Variants in CDK14 observed in about 807,000 individuals in gnomAD.
The protein encoded by CDK14 is cyclin dependent kinase 14.
Under a neutral mutation model 60.7 loss-of-function variants are expected in CDK14, and 34 were observed. The ratio of observed to expected loss-of-function variants is 0.56; its 90% CI spans 0.43 to 0.75. The LOEUF (loss-of-function observed/expected upper bound fraction) is 0.75, where lower values mean the gene tolerates loss of function less well. Among genes scored for constraint, CDK14 ranks in the 30% least tolerant of loss-of-function variants. The pLI, the probability that CDK14 is intolerant of heterozygous loss-of-function variation, is 0.00. For missense variants in CDK14, 482 were observed against 564.1 expected (o/e 0.85, Z 1.47); for synonymous variants, 197 against 203.7 (o/e 0.97, Z 0.28).
At chr7:90,880,116 C>A (rs1584080172) in intron 6 of CDK14, among the ~76,000 whole-genome samples, 1 of 152,250 alleles carries the variant, frequency 6.6e-6, no homozygotes, top group Non-Finnish European at 1.5e-5. Context: ...CAGCTGCCTG[C>A]TGTCTAAGCC....
At chr7:91,112,763 GATTCAC>G in intron 13 of CDK14, 82 bp downstream of exon 13, 1 of 1,412,556 alleles carries the variant, frequency 7.1e-7, no homozygotes, top group Non-Finnish European at 9.9e-7. Flanking sequence ...TGTATGCAGA[GATTCAC>G]ATATTTGTGT....
intron 14 of CDK14, among the ~76,000 whole-genome samples, chr7:91,137,360 A>G (rs1298630276): frequency 1.3e-5 from 2 of 152,110 alleles, no homozygotes; most frequent in Non-Finnish European, 2.9e-5. Flanking sequence ...CTGGGGGCCA[A>G]TCTGTTTTCT....
intron 14 of CDK14, among the ~76,000 whole-genome samples, chr7:91,195,122 G>T (rs919467138): frequency 3.9e-5 from 6 of 152,210 alleles, no homozygotes; most frequent in African/African-American, 1.4e-4. Flanking sequence ...TGATGTGAAT[G>T]TCTTATTCAT....
At chr7:91,013,254 C>T (rs1303257636) in intron 10 of CDK14, among the ~76,000 whole-genome samples, 1 of 151,756 alleles carries the variant, frequency 6.6e-6, no homozygotes, top group Non-Finnish European at 1.5e-5. Context: ...CTTACCAAGG[C>T]TTCTGATTTG....
intron 5 of CDK14, among the ~76,000 whole-genome samples, chr7:90,812,566 A>T (rs1789172615): frequency 6.6e-6 from 1 of 152,316 alleles, no homozygotes; most frequent in East Asian, 1.9e-4. Flanking sequence ...ATGTATACAT[A>T]TGTTACTAAC....
At chr7:90,638,120 G>T (rs1349614932) in intron 2 of CDK14, among the ~76,000 whole-genome samples, 1 of 151,878 alleles carries the variant, frequency 6.6e-6, no homozygotes, top group Non-Finnish European at 1.5e-5. Flanking sequence ...GGAGCATTTA[G>T]TCCATTTACA....
intron 10 of CDK14, among the ~76,000 whole-genome samples, chr7:91,002,091 T>C (rs1795852593): frequency 6.6e-6 from 1 of 152,186 alleles, no homozygotes; most frequent in Non-Finnish European, 1.5e-5. Context: ...TATTTACCTA[T>C]AGAATGAGGT....
intron 9 of CDK14, among the ~76,000 whole-genome samples, chr7:90,982,030 A>C (rs1229508026): frequency 6.6e-6 from 1 of 152,176 alleles, no homozygotes; most frequent in Admixed American, 6.5e-5. Flanking sequence ...CTGTCTGTCC[A>C]TACTATGGAT....
intron 10 of CDK14, among the ~76,000 whole-genome samples, chr7:90,990,823 G>A (rs1247921942): frequency 6.6e-6 from 1 of 152,118 alleles, no homozygotes. Context: ...TAGATAATTT[G>A]CTTGCAGTTT....
In CDK14 at chr7:91,176,463, C is replaced by A. The variant is rs561657393; in HGVS notation, c.*29-30702C>A. 4.6e-3 allele frequency among the ~76,000 whole-genome samples: 700 copies of A among 152,040 alleles called. 4 individuals are homozygous for A. The highest frequency in any genetic ancestry group is 0.016 in the African/African-American group (666 of 41,468). On this transcript the variant is annotated intron_variant, in intron 14 of 14. Transcript: ENST00000380050. ...AAGCAAGAAATAACTAAAATCAGAG[C>A]AGAACTGAAGGAAATAGAGACCAAA...
intron 2 of CDK14, among the ~76,000 whole-genome samples, chr7:90,681,508 T>C (rs1801317153): frequency 6.6e-6 from 1 of 152,190 alleles, no homozygotes; most frequent in African/African-American, 2.4e-5. Flanking sequence ...GCTCAGCTGC[T>C]CTCTGGGATG....
intron 11 of CDK14, among the ~76,000 whole-genome samples, chr7:91,070,895 CTA>C: frequency 6.6e-6 from 1 of 150,806 alleles, no homozygotes; most frequent in East Asian, 1.9e-4. Flanking sequence ...AATTAAAACA[CTA>C]TGATACTGAC....
At chr7:90,945,069 T>C (rs911653825) in intron 8 of CDK14, among the ~76,000 whole-genome samples, 6 of 152,238 alleles carry the variant, frequency 3.9e-5, no homozygotes, top group Non-Finnish European at 8.8e-5. Flanking sequence ...GATTGGCTGC[T>C]AACAGTTGGC....
intron 4 of CDK14, among the ~76,000 whole-genome samples, chr7:90,763,355 T>A (rs2116867097): frequency 6.6e-6 from 1 of 152,236 alleles, no homozygotes. Flanking sequence ...ACTGGCACAG[T>A]GCTCCTTTCA....
At chr7:91,118,570 AGTT>A (rs1405969684) in intron 14 of CDK14, among the ~76,000 whole-genome samples, 2 of 151,676 alleles carry the variant, frequency 1.3e-5, no homozygotes, top group African/African-American at 2.4e-5. Flanking sequence ...TTTTCTAATT[AGTT>A]GTTCTCATTT....
intron 2 of CDK14, among the ~76,000 whole-genome samples, chr7:90,631,345 A>G (rs1444383910): frequency 6.6e-6 from 1 of 152,160 alleles, no homozygotes; most frequent in South Asian, 2.1e-4. Context: ...GTTCTGCTTC[A>G]CTTGCATTTT....
At chr7:90,680,704 G>A (rs1016027874) in intron 2 of CDK14, among the ~76,000 whole-genome samples, 6 of 152,178 alleles carry the variant, frequency 3.9e-5, no homozygotes, top group Non-Finnish European at 7.3e-5. Context: ...GATCAGCTGC[G>A]GGAGTGTTTG....
chr7:90,991,963 A>C (rs1795551854), intron 10 of CDK14, among the ~76,000 whole-genome samples: 1 of 152,230 alleles, frequency 6.6e-6, no homozygotes, highest in African/African-American at 2.4e-5. Flanking sequence ...CTCCCTGGTC[A>C]ATAGTTCTAT....
chr7:91,207,171 G>C lies in CDK14; in HGVS notation c.*35G>C, dbSNP rs567013689. 6.6e-6 allele frequency: 1 copy of C among 151,654 alleles called. No individual in the cohort carries two copies. The highest frequency in any genetic ancestry group is 1.5e-5 in the Non-Finnish European group (1 of 67,968). 9.4% of individuals were successfully genotyped at this position (151,654 alleles called of 1,614,324 possible). On this transcript the variant is annotated 3_prime_UTR_variant, in exon 15 of 15. Transcript: ENST00000380050. ...TCTATTTTCCTCCTTCCAGGATTAA[G>C]TTGTCATCATTCTGGGAAGAAAAAA...
Sources: allele counts gnomAD v4.1 joint callset (sites outside exome capture counted in the v4.1 genomes callset), GRCh38; gene constraint gnomAD v4.1.1; transcripts MANE v1.5; gene names NCBI Gene and HGNC (gene_info 2026-07-23, HGNC 2026-07-21).